ZNF564: variants seen among roughly 807,000 people sequenced by gnomAD.
ZNF564 encodes the protein zinc finger protein 564.
In ZNF564, 5 loss-of-function variants were observed where a neutral mutation model predicts 10.5. That is an observed-to-expected ratio of 0.48 (90% CI 0.25 to 1.00). ZNF564 has a LOEUF of 1.00. Among genes scored for constraint, ZNF564 ranks in the 50% least tolerant of loss-of-function variants. The pLI is 0.16. For synonymous variants in ZNF564, 242 were observed against 218.1 expected (o/e 1.11, Z -0.97); for missense variants, 603 against 669.7 (o/e 0.90, Z 1.10).
chr19:12,528,323 T>A lies in ZNF564; in HGVS notation c.172A>T (p.Asn58Tyr). 2 of 1,611,002 alleles carry A rather than the reference T, an allele frequency of 1.2e-6. No homozygotes were observed. The highest frequency in any genetic ancestry group is 1.7e-6 in the Non-Finnish European group (2 of 1,179,368). Reference protein sequence around the residue: ...EDQSIEDWYKNQGRILRNHME... With the variant: ...EDQSIEDWYKYQGRILRNHME... ...AATTACCTTAAAATTCTCCCCTGATTTTTGTACCAATCTTCAATGCTCTGG... is the reference window on the plus strand; with the variant it reads ...AATTACCTTAAAATTCTCCCCTGATATTTGTACCAATCTTCAATGCTCTGG... The change falls in exon 3 of 4, where the codon AAT becomes TAT. Residue 58 changes from asparagine to tyrosine, a missense_variant. Physicochemically the swap from Asn to Tyr is moderately radical, Grantham distance 143. Coordinates refer to ENST00000339282, the MANE Select transcript of ZNF564 (RefSeq NM_144976.4).
At chr19:12,537,316 G>C (rs2021935014) in intron 1 of ZNF564, among the ~76,000 whole-genome samples, 2 of 152,128 alleles carry the variant, frequency 1.3e-5, no homozygotes, top group Admixed American at 6.6e-5. Context: ...GGTATATACT[G>C]AACATGTACA....
At chr19:12,543,847 T>G (rs2022105191) in intron 1 of ZNF564, among the ~76,000 whole-genome samples, 1 of 152,154 alleles carries the variant, frequency 6.6e-6, no homozygotes, top group Non-Finnish European at 1.5e-5. Context: ...AGGTGGCATC[T>G]TTGGGAGGTA....
intron 1 of ZNF564, among the ~76,000 whole-genome samples, chr19:12,544,250 T>C (rs1287571402): frequency 1.3e-5 from 2 of 152,064 alleles, no homozygotes; most frequent in African/African-American, 4.8e-5. Context: ...GGCATCTATG[T>C]AGGGTATGTG....
chr19:12,536,763 G>A (rs943755951), intron 1 of ZNF564, among the ~76,000 whole-genome samples: 8 of 152,126 alleles, frequency 5.3e-5, no homozygotes, highest in African/African-American at 1.7e-4. Flanking sequence ...TTGGGAAGCC[G>A]ATAGAGTGAG....
chr19:12,546,792 TG>T (rs1412586802), intron 1 of ZNF564, among the ~76,000 whole-genome samples: 1 of 152,164 alleles, frequency 6.6e-6, no homozygotes, highest in Non-Finnish European at 1.5e-5. Flanking sequence ...AACAATTGGC[TG>T]GACAGTTTTG....
At chr19:12,528,717 A>C (rs1393447234) in intron 1 of ZNF564, 21 bp from the exon 2 acceptor site, 2 of 1,598,248 alleles carry the variant, frequency 1.3e-6, no homozygotes, top group African/African-American at 2.7e-5. Context: ...CCAAATATGC[A>C]ATGCAGGAGG....
intron 1 of ZNF564, among the ~76,000 whole-genome samples, chr19:12,537,185 C>T (rs909634025): frequency 1.3e-5 from 2 of 152,164 alleles, no homozygotes; most frequent in African/African-American, 4.8e-5. Flanking sequence ...GGATATTACA[C>T]ATTTTCTTTA....
At chr19:12,547,823 T>A (rs1161666285) in intron 1 of ZNF564, among the ~76,000 whole-genome samples, 1 of 151,980 alleles carries the variant, frequency 6.6e-6, no homozygotes, top group African/African-American at 2.4e-5. Flanking sequence ...TTTTTTTTTT[T>A]TTTTTGAGAC....
intron 1 of ZNF564, among the ~76,000 whole-genome samples, chr19:12,538,614 G>C (rs941449939): frequency 6.6e-6 from 1 of 151,736 alleles, no homozygotes; most frequent in Non-Finnish European, 1.5e-5. Context: ...AACACAGCAA[G>C]ACTCTGTCTA....
chr19:12,526,528 T>C lies in ZNF564; in HGVS notation c.1580A>G (p.His527Arg). 1 of 1,613,380 alleles carries C rather than the reference T, an allele frequency of 6.2e-7. No individual in the cohort carries two copies. Residue 527 changes from histidine (H) to arginine (R), a missense_variant, in exon 4 of 4, where the codon CAT (histidine) becomes CGT (arginine). His to Arg is a conservative substitution (Grantham distance 29). Transcript: ENST00000339282. ...CTTTACGTAAGGTTTATCTCCATTATGAGCTCTTTCATGTCTTTGAAAGGA... is the reference window on the plus strand; with the variant it reads ...CTTTACGTAAGGTTTATCTCCATTACGAGCTCTTTCATGTCTTTGAAAGGA... The part of the protein sequence containing the change: ...SSSFQRHERA[H>R]NGDKPYVKNV...
chr19:12,529,476 T>C (rs1431576618), intron 1 of ZNF564, among the ~76,000 whole-genome samples: 1 of 151,728 alleles, frequency 6.6e-6, no homozygotes, highest in Non-Finnish European at 1.5e-5. Context: ...CATGGTGGCA[T>C]GCACCTGTAA....
chr19:12,549,180 C>T (rs560841382), intron 1 of ZNF564, among the ~76,000 whole-genome samples: 1 of 152,308 alleles, frequency 6.6e-6, no homozygotes, highest in East Asian at 1.9e-4. Flanking sequence ...TTGTGACCCT[C>T]CCTTTGCAAA....
intron 1 of ZNF564, 28 bp from the exon 2 acceptor site, chr19:12,528,724 G>A (rs756650804): frequency 1.3e-6 from 2 of 1,595,686 alleles, no homozygotes; most frequent in Admixed American, 1.9e-5. Context: ...TGCAATGCAG[G>A]AGGAAGAATG....
In ZNF564 at chr19:12,528,678, C is replaced by T; in HGVS notation, c.22G>A (p.Asp8Asn). ...TCAAGTGTGAAGTTCACAGCCACAT[C>T]CTCAGAGGCCACTGAGTCCTAAAAC... MDSVASE[D>N]VAVNFTLEEW... Residue 8 changes from aspartate to asparagine, a missense_variant, in exon 2 of 4, where the codon GAT becomes AAT. Coordinates refer to ENST00000339282, the MANE Select transcript of ZNF564 (RefSeq NM_144976.4). 2 of 1,612,594 alleles carry T rather than the reference C, an allele frequency of 1.2e-6. No individual in the cohort carries two copies. The highest frequency in any genetic ancestry group is 1.1e-5 in the South Asian group (1 of 90,870).
At chr19:12,539,399 C>T (rs1189719539) in intron 1 of ZNF564, among the ~76,000 whole-genome samples, 2 of 150,744 alleles carry the variant, frequency 1.3e-5, no homozygotes, top group East Asian at 4.0e-4. Context: ...GTGGCTCACG[C>T]CTGTAATTCC....
intron 1 of ZNF564, among the ~76,000 whole-genome samples, chr19:12,549,049 C>T (rs1377462778): frequency 8.8e-6 from 1 of 114,280 alleles, no homozygotes; most frequent in African/African-American, 3.5e-5. Flanking sequence ...GAAAATAGAC[C>T]TGAGAAACCT....
intron 1 of ZNF564, among the ~76,000 whole-genome samples, chr19:12,549,815 T>A (rs1003501722): frequency 6.6e-6 from 1 of 152,044 alleles, no homozygotes; most frequent in African/African-American, 2.4e-5. Context: ...AATCACTAGA[T>A]CCTCCAAGAG....
intron 1 of ZNF564, chr19:12,532,953 A>T (rs2021837688): frequency 6.6e-6 from 1 of 152,194 alleles, no homozygotes; most frequent in Non-Finnish European, 1.5e-5. Flanking sequence ...AGTAATTAAG[A>T]GATCCAACAG....
chr19:12,542,554 T>C (rs1383558965), intron 1 of ZNF564, among the ~76,000 whole-genome samples: 1 of 149,150 alleles, frequency 6.7e-6, no homozygotes, highest in Non-Finnish European at 1.5e-5. Context: ...CCAAGAGTTG[T>C]AGGCTGCAGT....
Sources: gnomAD v4.1 joint callset for allele counts (sites outside exome capture counted in the v4.1 genomes callset) on GRCh38, gnomAD v4.1.1 for gene constraint, MANE v1.5 for transcripts, NCBI Gene and HGNC (gene_info 2026-07-23, HGNC 2026-07-21) for gene names.